Variants in RGS9 observed in about 807,000 individuals in gnomAD.
RGS9 encodes regulator of G protein signaling 9.
In RGS9, 78 loss-of-function variants were observed where a neutral mutation model predicts 102.0. The ratio of observed to expected loss-of-function variants is 0.76; its 90% confidence interval spans 0.64 to 0.92. RGS9 has a LOEUF of 0.92. RGS9 is among the 40% of genes least tolerant of loss of function. The pLI is 0.00. For synonymous variants in RGS9, 353 were observed against 318.6 expected, an observed-to-expected ratio of 1.11 and a Z score of -1.15; for missense variants, 833 against 866.1, an observed-to-expected ratio of 0.96 and a Z score of 0.48.
Position 65,137,436 on chromosome 17 carries a change from G to C in RGS9, c.-105G>C. ...GCCCTCCCCGCCCAGCCGCCTCCCC[G>C]TCGACGCCCAGGGCTGGGGCGAGCC... is the stretch of plus-strand genomic sequence containing the variant. On this transcript the variant is annotated 5_prime_UTR_variant, in exon 1 of 19. Coordinates refer to ENST00000262406, the MANE Select transcript of RGS9 (RefSeq NM_003835.4). 8.4e-7 allele frequency: 1 copy of C among 1,197,108 alleles called. No homozygotes were observed. Among genetic ancestry groups the C allele is most frequent in the Non-Finnish European group, 1.2e-6 (1 of 816,602 alleles). 74.2% of individuals were successfully genotyped at this position (1,197,108 alleles called of 1,614,324 possible).
At chr17:65,153,016 G>A (rs1349213350) in intron 1 of RGS9, among the ~76,000 whole-genome samples, 2 of 152,222 alleles carry the variant, frequency 1.3e-5, no homozygotes, top group Admixed American at 1.3e-4. Context: ...AGGTCCATGT[G>A]GTCTGGCCTC....
At chr17:65,148,858 A>G (rs765366901) in intron 1 of RGS9, among the ~76,000 whole-genome samples, 69 of 151,878 alleles carry the variant, frequency 4.5e-4, no homozygotes, top group Non-Finnish European at 8.8e-4. Flanking sequence ...TGCAATTGCT[A>G]TTTCATAAAT....
At chr17:65,177,651 G>T in intron 8 of RGS9, 81 bp from the exon 9 acceptor site, 1 of 1,320,874 alleles carries the variant, frequency 7.6e-7, no homozygotes, top group Non-Finnish European at 1.1e-6. Flanking sequence ...CTCACAATTG[G>T]CAGATTAACC....
At chr17:65,217,766 G>GA (rs1913568404) in intron 17 of RGS9, among the ~76,000 whole-genome samples, 1 of 152,088 alleles carries the variant, frequency 6.6e-6, no homozygotes, top group East Asian at 1.9e-4. Flanking sequence ...AGAAAGCCTG[G>GA]AAAAAATTGG....
chr17:65,209,096 A>G (rs1598617534), intron 16 of RGS9, among the ~76,000 whole-genome samples: 2 of 152,172 alleles, frequency 1.3e-5, no homozygotes, highest in Non-Finnish European at 2.9e-5. Flanking sequence ...CTCTCTCCAG[A>G]TATTTTAGAA....
At chr17:65,207,261 G>C (rs16961237) in intron 15 of RGS9, among the ~76,000 whole-genome samples, 13,294 of 152,258 alleles carry the variant, frequency 0.087, 801 homozygotes, top group African/African-American at 0.15. Flanking sequence ...TTGGAGAGGA[G>C]AGGTCAGATG....
At chr17:65,212,772 T>C (rs1913353593) in intron 17 of RGS9, among the ~76,000 whole-genome samples, 1 of 152,230 alleles carries the variant, frequency 6.6e-6, no homozygotes, top group Non-Finnish European at 1.5e-5. Flanking sequence ...CATGGAGGGA[T>C]ATGCTTTGCT....
intron 1 of RGS9, among the ~76,000 whole-genome samples, chr17:65,138,502 G>A (rs1909999877): frequency 6.6e-6 from 1 of 152,052 alleles, no homozygotes; most frequent in African/African-American, 2.4e-5. Flanking sequence ...GACTTTCAAT[G>A]CTAAAACCTG....
chr17:65,193,799 A>G (rs1176253512), intron 12 of RGS9, 143 bp downstream of exon 12: 5 of 653,542 alleles, frequency 7.7e-6, no homozygotes, highest in South Asian at 5.3e-5. Context: ...AAACATGTTC[A>G]TTACACAAAA....
intron 8 of RGS9, among the ~76,000 whole-genome samples, chr17:65,175,749 G>A (rs894164454): frequency 2.0e-5 from 3 of 152,054 alleles, no homozygotes; most frequent in African/African-American, 4.8e-5. Context: ...TCTTCCCTGT[G>A]TCGTCTTGTC....
intron 17 of RGS9, among the ~76,000 whole-genome samples, chr17:65,211,537 G>C (rs1913299725): frequency 6.6e-6 from 1 of 152,186 alleles, no homozygotes; most frequent in African/African-American, 2.4e-5. Context: ...TCTAGATGTT[G>C]ATTCTTCCCT....
At chr17:65,156,391 C>A (rs1487534337) in intron 2 of RGS9, among the ~76,000 whole-genome samples, 1 of 152,254 alleles carries the variant, frequency 6.6e-6, no homozygotes, top group African/African-American at 2.4e-5. Context: ...ACGGGGCACA[C>A]TTGGTTCCTG....
At chr17:65,214,966 G>A (rs911537299) in intron 17 of RGS9, among the ~76,000 whole-genome samples, 5 of 152,168 alleles carry the variant, frequency 3.3e-5, no homozygotes, top group African/African-American at 9.7e-5. Flanking sequence ...GCACTGTATC[G>A]AAACATTGTT....
Position 65,153,424 on chromosome 17 carries a change from T to G in RGS9, c.60T>G (p.Ile20Met). The change falls in exon 2 of 19, where the codon ATT becomes ATG. Residue 20 changes from isoleucine to methionine, a missense_variant and splice_region_variant. Ile to Met is a conservative substitution (Grantham distance 10). Coordinates refer to ENST00000262406, the MANE Select transcript of RGS9 (RefSeq NM_003835.4). Reference sequence around the variant, plus strand: ...CTTTTTCCTGTTCTGTCTTGCAGATTGAAGCGCTCGTGAAGGACATGCAGA... The same window carrying G: ...CTTTTTCCTGTTCTGTCTTGCAGATGGAAGCGCTCGTGAAGGACATGCAGA... ...YRPRMAFLQK[I>M]EALVKDMQNP... The G allele has an allele frequency of 6.2e-7, 1 of 1,613,854 alleles. No individual in the cohort carries two copies. The highest frequency in any genetic ancestry group is 2.2e-5 in the East Asian group (1 of 44,888).
intron 3 of RGS9, among the ~76,000 whole-genome samples, chr17:65,159,773 G>A (rs1210697238): frequency 6.6e-6 from 1 of 152,204 alleles, no homozygotes; most frequent in Non-Finnish European, 1.5e-5. Flanking sequence ...GATGCAGGCA[G>A]AGGTGAGCTT....
chr17:65,215,780 C>T (rs1913505456), intron 17 of RGS9, among the ~76,000 whole-genome samples: 3 of 151,944 alleles, frequency 2.0e-5, no homozygotes, highest in South Asian at 4.1e-4. Flanking sequence ...AGGCTGGTCT[C>T]GAACACCTGA....
intron 17 of RGS9, among the ~76,000 whole-genome samples, chr17:65,218,665 T>C (rs1913598110): frequency 6.6e-6 from 1 of 152,234 alleles, no homozygotes; most frequent in South Asian, 2.1e-4. Flanking sequence ...CCTCCCCCTT[T>C]CTTTCTGTCC....
rs68149271 is a variant in RGS9 at position 65,183,061 on chromosome 17, AATCTATCTATCT to A, written c.654+5296_654+5307del. Among the ~76,000 whole-genome samples, 652 of 114,396 alleles carry A rather than the reference AATCTATCTATCT, an allele frequency of 5.7e-3. 7 individuals are homozygous for A. Among genetic ancestry groups the A allele is most frequent in the Middle Eastern group, 0.016 (4 of 244 alleles). The allele number at this position is 114,396 out of a possible 152,430, so 75.0% of individuals were successfully genotyped here. A position where few individuals can be genotyped will look rare whatever the true frequency, so the allele number is the denominator to read the frequency against. On this transcript the variant is annotated intron_variant, in intron 9 of 18. Transcript: ENST00000262406. ...CAGCTGCACCCCCTTAATTTTTTTA[AATCTATCTATCT>A]ATCTATCTATCTATCTATCTATCTA...
rs1371083713 is a variant in RGS9 at position 65,227,327 on chromosome 17, G to A, written c.1945G>A (p.Asp649Asn). 6.2e-7 allele frequency: 1 copy of A among 1,614,176 alleles called. No homozygotes were observed. Reference sequence around the variant, plus strand: ...CACGGGGAGCGGGACCTGCTTGATGGACTCGGAGGATGCTGGAACAGGAGA... The same window carrying A: ...CACGGGGAGCGGGACCTGCTTGATGAACTCGGAGGATGCTGGAACAGGAGA... ...VPTGSGTCLM[D>N]SEDAGTGESG... Residue 649 changes from aspartate to asparagine, a missense_variant, in exon 19 of 19, where the codon GAC becomes AAC. Asp to Asn is a conservative substitution (Grantham distance 23). Around this residue, in one of 3 missense-constraint regions of RGS9, gnomAD observed 320 missense variants for 276.8 expected, o/e 1.16. Coordinates refer to ENST00000262406, the MANE Select transcript of RGS9 (RefSeq NM_003835.4).
Sources: gnomAD v4.1 joint callset for allele counts (sites outside exome capture counted in the v4.1 genomes callset) on GRCh38, gnomAD v4.1.1 for gene constraint, gnomAD v4.1.1 regional missense constraint, MANE v1.5 for transcripts, NCBI Gene and HGNC (gene_info 2026-07-23, HGNC 2026-07-21) for gene names.